Variants in SLC2A9 observed in about 807,000 individuals in gnomAD.
SLC2A9 encodes solute carrier family 2, facilitated glucose transporter member 9.
Under a neutral mutation model 50.6 loss-of-function variants are expected in SLC2A9, and 39 were observed. The observed-to-expected ratio is 0.77, with a 90% CI of 0.60 to 1.01. SLC2A9 has a LOEUF of 1.01. Among genes scored for constraint, SLC2A9 ranks in the 50% least tolerant of loss-of-function variants. The pLI, the probability that SLC2A9 is intolerant of heterozygous loss-of-function variation, is 0.00. For missense variants in SLC2A9, 686 were observed against 677.6 expected (o/e 1.01, Z -0.14); for synonymous variants, 324 against 276.9 (o/e 1.17, Z -1.69).
rs547354753 is a variant in SLC2A9, at chr4:9,891,885, G to A, written c.1114-1174C>T. ...TTGGACAAGGGGAAGCAGTGACGCT[G>A]CTGAGGGCCATGAAGCCAGAGCACA... On this transcript the variant is annotated intron_variant, in intron 8 of 11. Transcript: ENST00000264784. 1.9e-4 allele frequency among the ~76,000 whole-genome samples: 29 copies of A among 152,344 alleles called. No homozygotes were observed. The South Asian group carries it at 5.0e-3, about 26-fold the overall frequency.
chr4:9,842,914 A>C (rs1367667640), intron 10 of SLC2A9, among the ~76,000 whole-genome samples: 1 of 152,138 alleles, frequency 6.6e-6, no homozygotes, highest in East Asian at 1.9e-4. Flanking sequence ...GGAAGAGTGC[A>C]GGGAGGTGAA....
At chr4:9,886,996 A>G (rs989978811) in intron 10 of SLC2A9, among the ~76,000 whole-genome samples, 1 of 152,242 alleles carries the variant, frequency 6.6e-6, no homozygotes, top group African/African-American at 2.4e-5. Context: ...GGGATACTCC[A>G]GCTGCACACT....
At chr4:9,870,624 G>A (rs552274513) in intron 10 of SLC2A9, among the ~76,000 whole-genome samples, 2 of 152,230 alleles carry the variant, frequency 1.3e-5, no homozygotes, top group African/African-American at 2.4e-5. Context: ...AGTTTCAGGC[G>A]ATAAGCTCAC....
intron 3 of SLC2A9, among the ~76,000 whole-genome samples, chr4:9,809,290 G>A (rs1488517300): frequency 1.3e-5 from 2 of 152,164 alleles, no homozygotes; most frequent in Non-Finnish European, 2.9e-5. Context: ...ATATCCTGTT[G>A]TCCCCAGCCC....
chr4:9,900,325 G>A (rs543886132), intron 8 of SLC2A9, among the ~76,000 whole-genome samples: 51 of 152,310 alleles, frequency 3.3e-4, no homozygotes, highest in African/African-American at 1.2e-3. Context: ...GGGATGGGGA[G>A]TAAATCAGGA....
chr4:9,990,417 G>C (rs1229673183), intron 3 of SLC2A9, among the ~76,000 whole-genome samples: 1 of 152,114 alleles, frequency 6.6e-6, no homozygotes, highest in East Asian at 1.9e-4. Flanking sequence ...TTACGTTGAA[G>C]GGCTCCCTTA....
intron 8 of SLC2A9, among the ~76,000 whole-genome samples, chr4:9,902,706 G>A (rs927536469): frequency 6.6e-6 from 1 of 152,182 alleles, no homozygotes; most frequent in Non-Finnish European, 1.5e-5. Flanking sequence ...CTGCCTGTGT[G>A]TATGCCTGCA....
At chr4:9,865,872 G>A (rs546286908) in intron 10 of SLC2A9, among the ~76,000 whole-genome samples, 3 of 152,348 alleles carry the variant, frequency 2.0e-5, no homozygotes, top group Admixed American at 6.5e-5. Context: ...AGGAACACTG[G>A]TTTGCAGGAA....
intron 10 of SLC2A9, among the ~76,000 whole-genome samples, chr4:9,887,027 T>C (rs1369597471): frequency 6.6e-6 from 1 of 152,248 alleles, no homozygotes; most frequent in Non-Finnish European, 1.5e-5. Context: ...CCATGTAAGC[T>C]GGTGGTTGGG....
intron 3 of SLC2A9, among the ~76,000 whole-genome samples, chr4:9,992,417 C>G (rs1437583067): frequency 6.6e-6 from 1 of 152,230 alleles, no homozygotes; most frequent in Non-Finnish European, 1.5e-5. Flanking sequence ...AGAGGCATCC[C>G]TGGCTTCTCC....
chr4:9,931,928 C>CTCTCTCTCAA (rs1553878763), intron 6 of SLC2A9, among the ~76,000 whole-genome samples: 7 of 38,268 alleles, frequency 1.8e-4, no homozygotes, highest in Admixed American at 1.0e-3. Context: ...CTCTCTCTCT[C>CTCTCTCTCAA]TCTCTCTCTC....
intron 10 of SLC2A9, among the ~76,000 whole-genome samples, chr4:9,886,348 A>G (rs952325588): frequency 1.3e-5 from 2 of 151,836 alleles, no homozygotes; most frequent in African/African-American, 4.8e-5. Flanking sequence ...CTGTGTGTTC[A>G]TCCTCTAATT....
chr4:9,956,383 G>C (rs1465487228), intron 5 of SLC2A9, among the ~76,000 whole-genome samples: 3 of 152,034 alleles, frequency 2.0e-5, no homozygotes, highest in Non-Finnish European at 4.4e-5. Flanking sequence ...GGGAGGCTGA[G>C]GCAGGAGAAT....
intron 10 of SLC2A9, among the ~76,000 whole-genome samples, chr4:9,847,486 C>T (rs544199234): frequency 6.6e-6 from 1 of 152,340 alleles, no homozygotes; most frequent in East Asian, 1.9e-4. Flanking sequence ...CACACAGAGC[C>T]AAACCATATT....
Position 9,844,166 on chromosome 4 carries a change from T to TA in SLC2A9, c.1292-9159dup, listed in dbSNP as rs970014171. 6.9e-5 allele frequency among the ~76,000 whole-genome samples: 6 copies of TA among 87,398 alleles called. No homozygotes were observed. In the East Asian group the frequency reaches 9.5e-4, roughly 14 times the overall value. 57.3% of individuals were successfully genotyped at this position (87,398 alleles called of 152,430 possible). A position where few individuals can be genotyped will look rare whatever the true frequency, so the allele number is the denominator to read the frequency against. On this transcript the variant is annotated intron_variant, in intron 10 of 11. Coordinates refer to ENST00000264784, the MANE Select transcript of SLC2A9 (RefSeq NM_020041.3). ...AGATTTAGTAAAAAAAAAATAATAA[T>TA]AAAAAAAAAAAAAAGTCCTTCTGAC...
rs1248784975 is a variant in SLC2A9 at position 9,944,652 on chromosome 4, GA to G, written c.682-2608del. On this transcript the variant is annotated intron_variant, in intron 5 of 11. Coordinates refer to ENST00000264784, the MANE Select transcript of SLC2A9 (RefSeq NM_020041.3). Reference sequence around the variant, plus strand: ...GCACACATCCCTGGGGTGAACAGCGGAAAAGGTGAGGGTCGGGAGTGTCCAG... The same window carrying G: ...GCACACATCCCTGGGGTGAACAGCGGAAAGGTGAGGGTCGGGAGTGTCCAG... Among the ~76,000 whole-genome samples, 16 of 152,290 alleles carry G rather than the reference GA, an allele frequency of 1.1e-4. No homozygotes were observed. In the East Asian group the frequency reaches 3.1e-3, roughly 29 times the overall value.
At chr4:9,799,494 C>A (rs1721035452) in intron 3 of SLC2A9, among the ~76,000 whole-genome samples, 2 of 151,880 alleles carry the variant, frequency 1.3e-5, no homozygotes, top group South Asian at 4.2e-4. Flanking sequence ...AATGGCTCTG[C>A]CCAAATGCCT....
In SLC2A9 at chr4:9,826,826, G is replaced by A. The variant is rs143413057; in HGVS notation, c.1420-226C>T. Among the ~76,000 whole-genome samples the A allele has an allele frequency of 4.6e-5, 7 of 152,272 alleles. No homozygotes were observed. In the East Asian group the frequency reaches 5.8e-4, roughly 13 times the overall value. On this transcript the variant is annotated intron_variant, in intron 11 of 11. Transcript: ENST00000264784. ...AAACTCTGGGAAAGATGAGAAAATG[G>A]CACTTTTTTGTTGTTGTTGTTGCAA...
At chr4:9,980,432 T>A (rs1755529911) in intron 5 of SLC2A9, among the ~76,000 whole-genome samples, 160 bp downstream of exon 5, 1 of 152,286 alleles carries the variant, frequency 6.6e-6, no homozygotes, top group South Asian at 2.1e-4. Flanking sequence ...TTAAAAAAAA[T>A]AAACTCAAAG....
Sources: allele counts gnomAD v4.1 joint callset (sites outside exome capture counted in the v4.1 genomes callset), GRCh38; gene constraint gnomAD v4.1.1; transcripts MANE v1.5; gene names NCBI Gene and HGNC (gene_info 2026-07-23, HGNC 2026-07-21).